Variants in EML1 observed in about 807,000 individuals in gnomAD.
EML1 encodes EMAP like 1.
In EML1, 27 loss-of-function variants were observed where a neutral mutation model predicts 110.4. The observed-to-expected ratio is 0.24, with a 90% CI of 0.18 to 0.34. The LOEUF (loss-of-function observed/expected upper bound fraction) is 0.34, where lower values mean the gene tolerates loss of function less well. EML1 is among the 10% of genes least tolerant of loss of function. The pLI is 1.00. For synonymous variants in EML1, 344 were observed against 385.8 expected (o/e 0.89, Z 1.27); for missense variants, 741 against 1,030.9 (o/e 0.72, Z 3.85).
In EML1 at chr14:99,900,896, C is replaced by A. The variant is rs747273980; in HGVS notation, c.898-33C>A. The A allele has an allele frequency of 1.7e-5, 27 of 1,565,690 alleles. 1 individual carries two copies. The highest frequency in any genetic ancestry group is 2.3e-5 in the Non-Finnish European group (26 of 1,136,172). ...TAAAGACACATGTGTATCACCATCA[C>A]AATTGATGGCTCTGTGTTTCTTTTC... On this transcript the variant is annotated intron_variant, in intron 8 of 21. Transcript: ENST00000262233.
chr14:99,927,312 C>T (rs2060252646), intron 17 of EML1, among the ~76,000 whole-genome samples: 1 of 152,188 alleles, frequency 6.6e-6, no homozygotes, highest in Non-Finnish European at 1.5e-5. Context: ...CTCGTTTGTC[C>T]TGTAGCATTT....
rs750749850 is a variant in EML1 at position 99,939,146 on chromosome 14, GC to G, written c.2192-48del. On this transcript the variant is annotated intron_variant, in intron 20 of 21. Transcript: ENST00000262233. The surrounding 1 kb of genome is among the most constrained non-coding windows in gnomAD (Gnocchi z 4.2). ...CAGTGGGCGCTTCCTGCGCCATGTG[GC>G]CCTGTGGCCCCTGGTGTTTCCAGCG... 5 of 1,603,990 alleles carry G rather than the reference GC, an allele frequency of 3.1e-6. No homozygotes were observed. The highest frequency in any genetic ancestry group is 3.5e-4 in the Middle Eastern group (2 of 5,786).
chr14:99,865,385 A>G, intron 2 of EML1, 129 bp from the exon 3 acceptor site: 1 of 1,149,728 alleles, frequency 8.7e-7, no homozygotes. Context: ...AGAGTTGCTC[A>G]CTCGCTCACT....
At position 99,850,977 on chromosome 14, in the gene EML1, G is replaced by A. The variant is rs1392532274; in HGVS notation, c.192G>A (p.Arg64=). The A allele has an allele frequency of 6.2e-7, 1 of 1,614,048 alleles. No homozygotes were observed. Among genetic ancestry groups the A allele is most frequent in the African/African-American group, 1.3e-5 (1 of 74,904 alleles). The change falls in exon 2 of 22, where the codon CGG becomes CGA. Residue 64 remains arginine (R), a synonymous_variant. Transcript: ENST00000262233. Reference sequence around the variant, plus strand: ...AATCAGCTCTAGCTGATGTGGTTCGGCGGCTGAACATTACTGAGGAACAGC... The same window carrying A: ...AATCAGCTCTAGCTGATGTGGTTCGACGGCTGAACATTACTGAGGAACAGC... ...LLKSALADVV[R]RLNITEEQQA... is the part of the protein sequence containing the mutation.
Position 99,937,842 on chromosome 14 carries a change from C to T in EML1, c.2121C>T (p.Val707=), listed in dbSNP as rs550900905. The part of the protein sequence containing the change: ...LYWVPSACKQ[V]VSVETTRDIE... ...GGGTTCCCTCTGCCTGTAAGCAAGT[C>T]GTAAGTGTGGAAACTACAAGAGACA... The change falls in exon 20 of 22, where the codon GTC becomes GTT. Residue 707 remains valine (V), a synonymous_variant. Coordinates refer to ENST00000262233, the MANE Select transcript of EML1 (RefSeq NM_004434.3). 31 of 1,614,004 alleles carry T rather than the reference C, an allele frequency of 1.9e-5. 2 individuals are homozygous for T. Among genetic ancestry groups the T allele is most frequent in the African/African-American group, 1.9e-4 (14 of 75,040 alleles).
intron 12 of EML1, 86 bp downstream of exon 12, chr14:99,910,427 T>C (rs2059928199): frequency 1.9e-6 from 2 of 1,043,776 alleles, no homozygotes; most frequent in East Asian, 2.5e-5. Flanking sequence ...TGTCTATTAA[T>C]ACAACGTACA....
At chr14:99,745,636 G>T (rs1347376571) in intron 1 of EML1, among the ~76,000 whole-genome samples, 1 of 152,194 alleles carries the variant, frequency 6.6e-6, no homozygotes, top group East Asian at 1.9e-4. Flanking sequence ...GCTCCGTTTG[G>T]GGGGTCAGAC....
intron 1 of EML1, among the ~76,000 whole-genome samples, chr14:99,806,844 G>C (rs1342959827): frequency 6.6e-6 from 1 of 152,074 alleles, no homozygotes; most frequent in Admixed American, 6.5e-5. Flanking sequence ...GAGCTGTTTA[G>C]AAAAATGATG....
intron 1 of EML1, among the ~76,000 whole-genome samples, chr14:99,757,218 C>T (rs1056943123): frequency 4.6e-5 from 7 of 151,986 alleles, no homozygotes; most frequent in East Asian, 1.9e-4. Context: ...GCATGCCTGT[C>T]GTCGCAGCTA....
intron 1 of EML1, among the ~76,000 whole-genome samples, chr14:99,763,787 T>G (rs1313576880): frequency 2.6e-5 from 4 of 152,158 alleles, no homozygotes; most frequent in African/African-American, 9.7e-5. Flanking sequence ...CAAGCATGGA[T>G]AATGATGTGG....
chr14:99,768,999 T>C (rs1481681976), upstream of EML1, among the ~76,000 whole-genome samples: 1 of 152,166 alleles, frequency 6.6e-6, no homozygotes, highest in Non-Finnish European at 1.5e-5. Context: ...ATTACAGGCG[T>C]AAGCCACCAC....
intron 3 of EML1, among the ~76,000 whole-genome samples, chr14:99,872,055 C>A (rs2059214682): frequency 6.6e-6 from 1 of 152,116 alleles, no homozygotes; most frequent in Admixed American, 6.5e-5. Context: ...TCTTTTATGC[C>A]CCATCCTGTC....
chr14:99,874,589 T>C (rs539902769), intron 3 of EML1, among the ~76,000 whole-genome samples: 1 of 152,362 alleles, frequency 6.6e-6, no homozygotes, highest in South Asian at 2.1e-4. Flanking sequence ...GTCTTGTCTT[T>C]AAGCTTTATT....
rs115070765 is a variant in EML1 at position 99,861,264 on chromosome 14, C to T, written c.251-4250C>T. Among the ~76,000 whole-genome samples, 1,454 of 152,264 alleles carry T rather than the reference C, an allele frequency of 9.5e-3. 30 individuals carry two copies. The highest frequency in any genetic ancestry group is 0.033 in the African/African-American group (1,383 of 41,526). On this transcript the variant is annotated intron_variant, in intron 2 of 21. Transcript: ENST00000262233. ...AGACAGACTATTGGATTTAGCGTTCCAAGTGTGATGACGGTGGCCAGGGCA... is the reference window on the plus strand; with the variant it reads ...AGACAGACTATTGGATTTAGCGTTCTAAGTGTGATGACGGTGGCCAGGGCA...
At position 99,917,013 on chromosome 14, in the gene EML1, A is replaced by G. The variant is rs557527237; in HGVS notation, c.1753-769A>G. ...TCAAAACCTAGAACATGCCTTGCTC[A>G]TCTCATGATCCTTCCAGGCCTCCAT... On this transcript the variant is annotated intron_variant, in intron 15 of 21. Transcript: ENST00000262233. 2.0e-5 allele frequency among the ~76,000 whole-genome samples: 3 copies of G among 152,250 alleles called. No individual in the cohort carries two copies. The South Asian group carries it at 6.2e-4, about 32-fold the overall frequency.
Position 99,838,308 on chromosome 14 carries a change from T to C in EML1, c.68-12545T>C, listed in dbSNP as rs181934991. On this transcript the variant is annotated intron_variant, in intron 1 of 21. Coordinates refer to ENST00000262233, the MANE Select transcript of EML1 (RefSeq NM_004434.3). ...GATAATAATAGCTTTTATTTTATTC[T>C]TTTTGCTGAAAGACTTTGAAACCAT... 6.6e-5 allele frequency among the ~76,000 whole-genome samples: 10 copies of C among 152,306 alleles called. No homozygotes were observed. The South Asian group carries it at 8.3e-4, about 13-fold the overall frequency.
chr14:99,740,440 T>C (rs989620674), intron 1 of EML1, among the ~76,000 whole-genome samples: 4 of 152,290 alleles, frequency 2.6e-5, no homozygotes, highest in Admixed American at 2.6e-4. Flanking sequence ...TAGCTCAACA[T>C]TGCCTCCAAT....
At chr14:99,852,992 T>C (rs963309639) in intron 2 of EML1, among the ~76,000 whole-genome samples, 1 of 152,242 alleles carries the variant, frequency 6.6e-6, no homozygotes, top group Admixed American at 6.5e-5. Context: ...GACTGCTGTG[T>C]CTGAAAGGGT....
chr14:99,793,432 C>T lies in EML1; in HGVS notation c.-45C>T. 1 of 1,029,988 alleles carries T rather than the reference C, an allele frequency of 9.7e-7. No individual in the cohort carries two copies. The highest frequency in any genetic ancestry group is 1.2e-6 in the Non-Finnish European group (1 of 859,016). 63.8% of individuals were successfully genotyped at this position (1,029,988 alleles called of 1,614,324 possible). Reference sequence around the variant, plus strand: ...CAGCTCAGTGTGTGGTGAGCGGCGGCGGCGCGGCCGGGCCGGGGAGCGGGC... The same window carrying T: ...CAGCTCAGTGTGTGGTGAGCGGCGGTGGCGCGGCCGGGCCGGGGAGCGGGC... On this transcript the variant is annotated 5_prime_UTR_variant, in exon 1 of 22. Transcript: ENST00000262233.
Sources: gnomAD v4.1 joint callset for allele counts (sites outside exome capture counted in the v4.1 genomes callset) on GRCh38, gnomAD v4.1.1 for gene constraint, Gnocchi (gnomAD v3.1) non-coding constraint, MANE v1.5 for transcripts, NCBI Gene and HGNC (gene_info 2026-07-23, HGNC 2026-07-21) for gene names.